The following SFMBT2 variants were observed in gnomAD, a reference collection of about 807,000 sequenced individuals.
SFMBT2 encodes scm-like with four MBT domains protein 2.
Under a neutral mutation model 110.1 loss-of-function variants are expected in SFMBT2, and 38 were observed. That is an observed-to-expected ratio of 0.35 (90% CI 0.27 to 0.45). SFMBT2 has a LOEUF of 0.45. Among genes scored for constraint, SFMBT2 ranks in the 20% least tolerant of loss-of-function variants. The pLI is 1.00. For synonymous variants in SFMBT2, 425 were observed against 425.4 expected (o/e 1.00, Z 0.01); for missense variants, 1,011 against 1,094.9 (o/e 0.92, Z 1.08).
At chr10:7,335,591 AC>A (rs1564446263) in intron 4 of SFMBT2, among the ~76,000 whole-genome samples, 1 of 146,290 alleles carries the variant, frequency 6.8e-6, no homozygotes, top group African/African-American at 2.7e-5. Flanking sequence ...AAACACACAC[AC>A]ACACACACAC....
At chr10:7,389,492 G>T (rs1407199463) in intron 1 of SFMBT2, among the ~76,000 whole-genome samples, 2 of 152,134 alleles carry the variant, frequency 1.3e-5, no homozygotes, top group Admixed American at 1.3e-4. Context: ...AGAAGACTGG[G>T]CTTATAAAAG....
At chr10:7,228,656 G>T (rs1317108115) in intron 9 of SFMBT2, among the ~76,000 whole-genome samples, 1 of 150,754 alleles carries the variant, frequency 6.6e-6, no homozygotes, top group Non-Finnish European at 1.5e-5. Context: ...ACCAACTACA[G>T]ATCCTACTAA....
chr10:7,351,731 C>T (rs1036629310), intron 4 of SFMBT2, among the ~76,000 whole-genome samples: 10 of 152,054 alleles, frequency 6.6e-5, no homozygotes, highest in Admixed American at 1.3e-4. Context: ...GGACAGTGGA[C>T]GTGGCCGAGT....
intron 2 of SFMBT2, among the ~76,000 whole-genome samples, chr10:7,381,144 C>G (rs1181342162): frequency 6.6e-6 from 1 of 151,984 alleles, no homozygotes; most frequent in East Asian, 1.9e-4. Context: ...TGTTTGAGTC[C>G]GAGGAGGGAG....
At chr10:7,380,834 G>A (rs935138136) in intron 2 of SFMBT2, among the ~76,000 whole-genome samples, 17 of 152,108 alleles carry the variant, frequency 1.1e-4, no homozygotes, top group African/African-American at 3.6e-4. Flanking sequence ...AGGATCACTT[G>A]AGCCTAGTAG....
chr10:7,277,131 G>A, intron 6 of SFMBT2, 142 bp from the exon 7 acceptor site: 4 of 575,848 alleles, frequency 6.9e-6, no homozygotes, highest in South Asian at 4.6e-5. Context: ...TACCCACCAT[G>A]AGCAGCCACC....
intron 6 of SFMBT2, among the ~76,000 whole-genome samples, chr10:7,281,818 TTGA>T (rs965177692): frequency 1.3e-5 from 2 of 152,180 alleles, no homozygotes; most frequent in Non-Finnish European, 2.9e-5. Context: ...AAGTAAGTTC[TTGA>T]TGATGAATGT....
chr10:7,251,939 C>A (rs929440545), intron 7 of SFMBT2, among the ~76,000 whole-genome samples: 2 of 152,186 alleles, frequency 1.3e-5, no homozygotes, highest in African/African-American at 4.8e-5. Flanking sequence ...TAGAGGCATC[C>A]TGACAGCCAC....
intron 7 of SFMBT2, among the ~76,000 whole-genome samples, chr10:7,272,606 C>T (rs941437360): frequency 6.6e-6 from 1 of 152,172 alleles, no homozygotes; most frequent in Non-Finnish European, 1.5e-5. Context: ...CACTGCAGGC[C>T]AGCACCCAGC....
At position 7,197,660 on chromosome 10, in the gene SFMBT2, G is replaced by A; in HGVS notation, c.1586C>T (p.Pro529Leu). The change falls in exon 15 of 21, where the codon CCT (proline) becomes CTT (leucine). Residue 529 changes from proline to leucine, a missense_variant. Physicochemically the swap from Pro to Leu is moderately conservative, Grantham distance 98. This residue lies in a region of SFMBT2 where 979 missense variants were observed against 1,016.1 expected (regional missense o/e 0.96). Coordinates refer to ENST00000397167, the MANE Select transcript of SFMBT2 (RefSeq NM_001387889.1). ...ACACCTGTGGTTGATGAAGAGCTGAGGACAGCAGTATTTCCCGTTGACGGT... is the reference window on the plus strand; with the variant it reads ...ACACCTGTGGTTGATGAAGAGCTGAAGACAGCAGTATTTCCCGTTGACGGT... ...TGTVNGKYCC[P>L]QLFINHRCFS... 1 of 1,614,180 alleles carries A rather than the reference G, an allele frequency of 6.2e-7. No individual in the cohort carries two copies. Among genetic ancestry groups the A allele is most frequent in the Non-Finnish European group, 8.5e-7 (1 of 1,180,032 alleles).
At chr10:7,324,398 G>A (rs1405261309) in intron 4 of SFMBT2, among the ~76,000 whole-genome samples, 1 of 152,222 alleles carries the variant, frequency 6.6e-6, no homozygotes, top group African/African-American at 2.4e-5. Flanking sequence ...AGGTGATGGT[G>A]CAGAGTGAAG....
chr10:7,384,648 T>A (rs928328216), intron 1 of SFMBT2, among the ~76,000 whole-genome samples: 1 of 152,160 alleles, frequency 6.6e-6, no homozygotes, highest in African/African-American at 2.4e-5. Flanking sequence ...CTGGAGGGGT[T>A]CTAAGATTTT....
At chr10:7,214,453 A>C in intron 11 of SFMBT2, 1 of 593,416 alleles carries the variant, frequency 1.7e-6, no homozygotes, top group Non-Finnish European at 2.1e-6. Flanking sequence ...GGAAGATGCC[A>C]CCGGACAATT....
chr10:7,166,971 T>C (rs1837713135), intron 20 of SFMBT2, among the ~76,000 whole-genome samples: 2 of 152,330 alleles, frequency 1.3e-5, no homozygotes, highest in South Asian at 4.1e-4. Flanking sequence ...TGCCGGCAGA[T>C]CACTTTTAAT....
At position 7,170,833 on chromosome 10, in the gene SFMBT2, C is replaced by T. The variant is rs187168037; in HGVS notation, c.2544+95G>A. 4.3e-4 allele frequency: 632 copies of T among 1,479,046 alleles called. 1 individual carries two copies. In the African/African-American group the frequency reaches 5.1e-3, roughly 12 times the overall value. The allele number at this position is 1,479,046 out of a possible 1,614,324, so 91.6% of individuals were successfully genotyped here. A position where few individuals can be genotyped will look rare whatever the true frequency, so the allele number is the denominator to read the frequency against. On this transcript the variant is annotated intron_variant, in intron 20 of 20. Transcript: ENST00000397167. This position sits in a 1 kb window ranked among gnomAD's most constrained non-coding sequence, Gnocchi z 4.6. ...GCCGAGCAGCGCCGAAGAACCCCCT[C>T]GCAGGTGTCACGAGGAAGCCGGCTA...
intron 7 of SFMBT2, among the ~76,000 whole-genome samples, chr10:7,255,423 C>T (rs7917413): frequency 0.052 from 7,939 of 152,274 alleles, 429 homozygotes; most frequent in African/African-American, 0.14. Context: ...TAAAGAAATA[C>T]TGTTTACTTC....
At chr10:7,193,087 G>A (rs559553539) in intron 15 of SFMBT2, among the ~76,000 whole-genome samples, 8 of 152,268 alleles carry the variant, frequency 5.3e-5, no homozygotes, top group African/African-American at 1.4e-4. Context: ...AAAATCAGGC[G>A]TTCTATTTCT....
intron 4 of SFMBT2, among the ~76,000 whole-genome samples, chr10:7,366,309 T>C (rs148695117): frequency 6.6e-6 from 1 of 151,988 alleles, no homozygotes; most frequent in Non-Finnish European, 1.5e-5. Flanking sequence ...GTCACATAAA[T>C]GCAACTCTTA....
At chr10:7,168,688 A>G (rs1837776499) in intron 20 of SFMBT2, among the ~76,000 whole-genome samples, 2 of 152,282 alleles carry the variant, frequency 1.3e-5, no homozygotes, top group Non-Finnish European at 2.9e-5. Context: ...GCAGCGCTTT[A>G]CACAGCATTT....
Sources: gnomAD v4.1 joint callset for allele counts (sites outside exome capture counted in the v4.1 genomes callset) on GRCh38, gnomAD v4.1.1 for gene constraint, gnomAD v4.1.1 regional missense constraint, Gnocchi (gnomAD v3.1) non-coding constraint, MANE v1.5 for transcripts, NCBI Gene and HGNC (gene_info 2026-07-23, HGNC 2026-07-21) for gene names.